Variants in MAP2K1 observed in about 807,000 individuals in gnomAD.
MAP2K1 encodes the protein mitogen-activated protein kinase kinase 1, also known as dual specificity mitogen-activated protein kinase kinase 1.
Under a neutral mutation model 46.3 loss-of-function variants are expected in MAP2K1, and 16 were observed. The observed-to-expected ratio is 0.35, with a 90% CI of 0.23 to 0.52. The LOEUF (loss-of-function observed/expected upper bound fraction) is 0.52. Among genes scored for constraint, MAP2K1 ranks in the 20% least tolerant of loss-of-function variants. The probability of loss-of-function intolerance (pLI) is 0.94; values close to 1 mark genes in which losing one functional copy is unlikely to be tolerated. For missense variants in MAP2K1, 263 were observed against 497.1 expected, an observed-to-expected ratio of 0.53 and a Z score of 4.48; for synonymous variants, 183 against 185.6, an observed-to-expected ratio of 0.99 and a Z score of 0.11.
intron 1 of MAP2K1, among the ~76,000 whole-genome samples, chr15:66,410,419 A>G (rs543703098): frequency 6.6e-5 from 10 of 151,130 alleles, no homozygotes; most frequent in African/African-American, 2.4e-4. Flanking sequence ...GAAAAAGGGG[A>G]AAAAAGAGAG....
At chr15:66,424,323 G>T (rs1185160796) in intron 1 of MAP2K1, among the ~76,000 whole-genome samples, 2 of 152,204 alleles carry the variant, frequency 1.3e-5, no homozygotes, top group Non-Finnish European at 2.9e-5. Flanking sequence ...CTCCCAAAGT[G>T]CTGGGATTAC....
chr15:66,408,277 T>C (rs1566998488), intron 1 of MAP2K1, among the ~76,000 whole-genome samples: 1 of 152,236 alleles, frequency 6.6e-6, no homozygotes, highest in Non-Finnish European at 1.5e-5. Context: ...CTTCAGCTGC[T>C]CTTTATCCAA....
intron 1 of MAP2K1, among the ~76,000 whole-genome samples, chr15:66,434,135 AT>A (rs1171850868): frequency 2.0e-5 from 3 of 152,132 alleles, no homozygotes; most frequent in African/African-American, 4.8e-5. Context: ...AAATGAAGTG[AT>A]TTTTTTCCCC....
intron 5 of MAP2K1, among the ~76,000 whole-genome samples, chr15:66,469,137 C>G (rs1009155773): frequency 2.0e-5 from 3 of 148,456 alleles, no homozygotes; most frequent in Non-Finnish European, 4.5e-5. Flanking sequence ...GCGCCTGTAA[C>G]CCCAGCTACT....
rs1359234006 is a variant in MAP2K1 at position 66,420,476 on chromosome 15, C to T, written c.81-14551C>T. Among the ~76,000 whole-genome samples the T allele has an allele frequency of 2.0e-5, 3 of 151,224 alleles. No individual in the cohort carries two copies. The East Asian group carries it at 5.8e-4, about 29-fold the overall frequency. ...GCTGAGGTGGGAGGATCACCTGAGC[C>T]TGGGAGATCAAGGCTGCAATGAGCT... On this transcript the variant is annotated intron_variant, in intron 1 of 10. Transcript: ENST00000307102.
At position 66,402,958 on chromosome 15, in the gene MAP2K1, T is replaced by G. The variant is rs367827429; in HGVS notation, c.80+15531T>G. On this transcript the variant is annotated intron_variant, in intron 1 of 10. Transcript: ENST00000307102. Reference sequence around the variant, plus strand: ...ACCTCCTGGGCCAGGGACTTTTCTGTTCTTTCCAAGGAGCTGTGAAAAAAG... The same window carrying G: ...ACCTCCTGGGCCAGGGACTTTTCTGGTCTTTCCAAGGAGCTGTGAAAAAAG... Among the ~76,000 whole-genome samples, 269 of 152,294 alleles carry G rather than the reference T, an allele frequency of 1.8e-3. 1 individual carries two copies. Among genetic ancestry groups the G allele is most frequent in the Non-Finnish European group, 2.0e-3 (133 of 68,006 alleles).
intron 5 of MAP2K1, among the ~76,000 whole-genome samples, chr15:66,462,469 C>T (rs980859215): frequency 1.4e-5 from 2 of 144,442 alleles, no homozygotes; most frequent in Admixed American, 7.0e-5. Context: ...TGCACTCCAC[C>T]CTGGGCGACA....
chr15:66,440,526 A>G (rs1191790281), intron 3 of MAP2K1, among the ~76,000 whole-genome samples: 1 of 152,216 alleles, frequency 6.6e-6, no homozygotes, highest in Non-Finnish European at 1.5e-5. Context: ...TTGAGACCCA[A>G]GGAGGGAAAT....
intron 1 of MAP2K1, among the ~76,000 whole-genome samples, chr15:66,393,249 C>G (rs2093360836): frequency 6.6e-6 from 1 of 151,780 alleles, no homozygotes; most frequent in South Asian, 2.1e-4. Context: ...GCAATCCTGG[C>G]TCACTGCAAC....
At chr15:66,417,701 C>T (rs561655855) in intron 1 of MAP2K1, among the ~76,000 whole-genome samples, 2 of 152,090 alleles carry the variant, frequency 1.3e-5, no homozygotes, top group Admixed American at 6.5e-5. Context: ...AGAGGTGATA[C>T]GTGCTCAGGG....
At chr15:66,477,117 C>G (rs949548746) in intron 5 of MAP2K1, among the ~76,000 whole-genome samples, 3 of 152,204 alleles carry the variant, frequency 2.0e-5, no homozygotes, top group Non-Finnish European at 4.4e-5. Flanking sequence ...CCTCTCCAAC[C>G]CCTTCCATCT....
At chr15:66,489,965 G>C (rs1378224866) in intron 10 of MAP2K1, 1 of 645,356 alleles carries the variant, frequency 1.5e-6, no homozygotes, top group East Asian at 2.7e-5. Flanking sequence ...CCCGCAGCCT[G>C]AGTAAGCATA....
intron 10 of MAP2K1, chr15:66,490,268 A>T: frequency 3.0e-6 from 2 of 660,632 alleles, no homozygotes; most frequent in Non-Finnish European, 5.5e-6. Context: ...CTGTCTCCAT[A>T]CTGCACGAGT....
intron 1 of MAP2K1, among the ~76,000 whole-genome samples, chr15:66,424,766 C>G (rs1274959748): frequency 1.5e-5 from 2 of 135,710 alleles, no homozygotes; most frequent in African/African-American, 2.7e-5. Flanking sequence ...TAGGGAGGTT[C>G]TCATTGTCTT....
At chr15:66,427,215 C>G (rs551471030) in intron 1 of MAP2K1, among the ~76,000 whole-genome samples, 11 of 152,206 alleles carry the variant, frequency 7.2e-5, no homozygotes, top group African/African-American at 2.6e-4. Context: ...CATCTAAATG[C>G]TAAATGCATA....
rs1221333822 is a variant in MAP2K1 at position 66,481,780 on chromosome 15, C to G, written c.594C>G (p.Val198=). ...ATGTCAAGCCCTCCAACATCCTAGT[C>G]AACTCCCGTGGGGAGATCAAGCTCT... ...HRDVKPSNIL[V]NSRGEIKLCD... The change falls in exon 6 of 11, where the codon GTC becomes GTG. Residue 198 remains valine (V), a synonymous_variant. Coordinates refer to ENST00000307102, the MANE Select transcript of MAP2K1 (RefSeq NM_002755.4). The G allele has an allele frequency of 2.5e-6, 4 of 1,613,142 alleles. No homozygotes were observed. Among genetic ancestry groups the G allele is most frequent in the Admixed American group, 3.3e-5 (2 of 59,994 alleles).
Position 66,482,225 on chromosome 15 carries a change from C to T in MAP2K1, c.693+346C>T, listed in dbSNP as rs112369928. On this transcript the variant is annotated intron_variant, in intron 6 of 10. Coordinates refer to ENST00000307102, the MANE Select transcript of MAP2K1 (RefSeq NM_002755.4). The stretch of plus-strand genomic sequence containing the variant: ...AAACCCAGGATGCTCAGATATAATC[C>T]ACCCCAAACTACCTCACCTTCTCCT... 6.7e-3 allele frequency among the ~76,000 whole-genome samples: 1,018 copies of T among 152,188 alleles called. 16 individuals are homozygous for T. The highest frequency in any genetic ancestry group is 0.023 in the African/African-American group (973 of 41,510).
At chr15:66,408,222 G>A (rs1487677397) in intron 1 of MAP2K1, among the ~76,000 whole-genome samples, 1 of 152,220 alleles carries the variant, frequency 6.6e-6, no homozygotes, top group African/African-American at 2.4e-5. Flanking sequence ...CAGGTGAGAA[G>A]GAGAGAAAAT....
chr15:66,460,052 G>C (rs1892278988), intron 5 of MAP2K1, among the ~76,000 whole-genome samples: 1 of 152,292 alleles, frequency 6.6e-6, no homozygotes, highest in East Asian at 1.9e-4. Flanking sequence ...GGTTGCCCAT[G>C]GTATATACAC....
Sources: gnomAD v4.1 joint callset for allele counts (sites outside exome capture counted in the v4.1 genomes callset) on GRCh38, gnomAD v4.1.1 for gene constraint, MANE v1.5 for transcripts, NCBI Gene and HGNC (gene_info 2026-07-23, HGNC 2026-07-21) for gene names.